RPSA2: variants seen among roughly 807,000 people sequenced by gnomAD.
The protein encoded by RPSA2 is ribosomal protein SA 2.
At chr19:23,817,676 GAC>G in the RPSA2 span, 2 of 428 alleles carry the variant, frequency 4.7e-3, no homozygotes, top group Non-Finnish European at 0.026. Flanking sequence ...CTTGGACTAA[GAC>G]AGGGCTTGTC....
chr19:23,828,076 G>T, the RPSA2 span: 5 of 579,590 alleles, frequency 8.6e-6, no homozygotes, highest in Non-Finnish European at 1.5e-5. Flanking sequence ...CTCTTAAGCA[G>T]CATGGAAAAA....
At chr19:23,805,168 T>TTTTCG in the RPSA2 span, among the ~76,000 whole-genome samples, 29 of 366 alleles carry the variant, frequency 0.079, no homozygotes, top group Admixed American at 0.1. Flanking sequence ...CACACACTTT[T>TTTTCG]TTTCTTTTTT....
At chr19:23,834,205 AAGT>A in the RPSA2 span, among the ~76,000 whole-genome samples, 1 of 152,108 alleles carries the variant, frequency 6.6e-6, no homozygotes, top group East Asian at 1.9e-4. Flanking sequence ...ACTTTAAAAG[AAGT>A]AGAATATTTT....
the RPSA2 span, chr19:23,808,899 T>C: frequency 2.8e-6 from 1 of 354,058 alleles, no homozygotes; most frequent in Non-Finnish European, 5.2e-6. Flanking sequence ...TTTGGGAAGC[T>C]GTGTTCAAAA....
the RPSA2 span, among the ~76,000 whole-genome samples, chr19:23,854,471 T>C: frequency 2.0e-5 from 3 of 152,166 alleles, no homozygotes; most frequent in African/African-American, 7.2e-5. Context: ...TGGGACTGCT[T>C]GAAGTGGGAA....
chr19:23,857,680 A>T, the RPSA2 span, among the ~76,000 whole-genome samples: 1 of 151,162 alleles, frequency 6.6e-6, no homozygotes, highest in East Asian at 2.0e-4. Flanking sequence ...ATTTTTTAGT[A>T]GAGACAGGGT....
At chr19:23,868,341 C>T in the RPSA2 span, among the ~76,000 whole-genome samples, 24 of 152,222 alleles carry the variant, frequency 1.6e-4, no homozygotes, top group African/African-American at 5.1e-4. Flanking sequence ...CACTGTCTGT[C>T]GCCGTTTGCT....
the RPSA2 span, among the ~76,000 whole-genome samples, chr19:23,805,233 C>T: frequency 3.9e-5 from 6 of 151,928 alleles, no homozygotes; most frequent in African/African-American, 1.2e-4. Context: ...GGTGCAATCT[C>T]GGCTCACTGC....
chr19:23,861,606 C>A, the RPSA2 span, among the ~76,000 whole-genome samples: 1 of 152,116 alleles, frequency 6.6e-6, no homozygotes, highest in Admixed American at 6.5e-5. Flanking sequence ...GCTTTAGTGT[C>A]TTGTTGAACT....
chr19:23,818,815 T>G, the RPSA2 span: 2 of 152,798 alleles, frequency 1.3e-5, no homozygotes, highest in Non-Finnish European at 2.9e-5. Flanking sequence ...GGTAAGGACT[T>G]TGGGTCATAA....
chr19:23,779,296 G>A, the RPSA2 span, among the ~76,000 whole-genome samples: 3 of 152,084 alleles, frequency 2.0e-5, no homozygotes, highest in Non-Finnish European at 4.4e-5. Context: ...CACTGCGCCC[G>A]GCCATGACAC....
the RPSA2 span, among the ~76,000 whole-genome samples, chr19:23,853,277 C>A: frequency 6.6e-6 from 1 of 152,234 alleles, no homozygotes; most frequent in African/African-American, 2.4e-5. Context: ...CAGGGGCAGG[C>A]ATGACAGGTT....
the RPSA2 span, among the ~76,000 whole-genome samples, chr19:23,863,250 A>G: frequency 6.6e-6 from 1 of 152,176 alleles, no homozygotes; most frequent in Admixed American, 6.5e-5. Flanking sequence ...TTTAGATTAA[A>G]CTTAGAAGAG....
At chr19:23,805,681 C>CT in the RPSA2 span, among the ~76,000 whole-genome samples, 6 of 152,222 alleles carry the variant, frequency 3.9e-5, no homozygotes, top group East Asian at 7.7e-4. Context: ...GAAAAAATGA[C>CT]TTTTTTTCAG....
the RPSA2 span, among the ~76,000 whole-genome samples, chr19:23,839,046 T>C: frequency 0.01 from 1,551 of 152,324 alleles, 11 homozygotes; most frequent in Non-Finnish European, 0.013. Flanking sequence ...GTCTGTGCTC[T>C]TTCAAACTTT....
the RPSA2 span, among the ~76,000 whole-genome samples, chr19:23,780,726 A>G: frequency 1.3e-5 from 2 of 152,230 alleles, no homozygotes; most frequent in Non-Finnish European, 2.9e-5. Flanking sequence ...CTATAAGATC[A>G]TGGGTCCAGA....
At chr19:23,847,944 C>G in the RPSA2 span, among the ~76,000 whole-genome samples, 1 of 152,142 alleles carries the variant, frequency 6.6e-6, no homozygotes, top group Non-Finnish European at 1.5e-5. Context: ...GCTCTTTTTG[C>G]CTGACCCCGC....
chr19:23,795,007 G>C, the RPSA2 span, among the ~76,000 whole-genome samples: 148,884 of 152,216 alleles, frequency 0.98, 72,902 homozygotes, highest in Middle Eastern at 1. Flanking sequence ...TTATTTCTGG[G>C]CTCCCTATTC....
At chr19:23,855,618 T>C in the RPSA2 span, among the ~76,000 whole-genome samples, 1 of 152,012 alleles carries the variant, frequency 6.6e-6, no homozygotes, top group Non-Finnish European at 1.5e-5. Flanking sequence ...AAAGCATGTG[T>C]AGATAAGGGA....
Sources: allele counts gnomAD v4.1 joint callset (sites outside exome capture counted in the v4.1 genomes callset), GRCh38; gene constraint gnomAD v4.1.1; transcripts MANE v1.5; gene names NCBI Gene and HGNC (gene_info 2026-07-23, HGNC 2026-07-21).